Variants in TRRAP observed in about 807,000 individuals in gnomAD.
The protein encoded by TRRAP is transformation/transcription domain-associated protein.
Under a neutral mutation model 438.8 loss-of-function variants are expected in TRRAP, and 41 were observed. The observed-to-expected ratio is 0.09, with a 90% CI of 0.07 to 0.12. The LOEUF (loss-of-function observed/expected upper bound fraction) is 0.12, where lower values mean the gene tolerates loss of function less well. TRRAP is among the 10% of genes least tolerant of loss of function. The probability of loss-of-function intolerance (pLI) is 1.00; values close to 1 mark genes in which losing one functional copy is unlikely to be tolerated. For synonymous variants in TRRAP, 1,994 were observed against 1,962.9 expected (o/e 1.02, Z -0.42); for missense variants, 3,122 against 5,055.1 (o/e 0.62, Z 11.60).
chr7:98,969,927 T>C (rs375498075), intron 51 of TRRAP, among the ~76,000 whole-genome samples, 185 bp from the exon 52 acceptor site: 4 of 152,084 alleles, frequency 2.6e-5, no homozygotes, highest in African/African-American at 7.2e-5. Context: ...ATGTGGACGA[T>C]GCCTTGGAGG....
At chr7:98,892,238 C>T (rs1554405020) in intron 4 of TRRAP, among the ~76,000 whole-genome samples, 186 bp from the exon 5 acceptor site, 1 of 152,168 alleles carries the variant, frequency 6.6e-6, no homozygotes, top group African/African-American at 2.4e-5. Context: ...ATCTGCAGTA[C>T]TTACTTTGGG....
intron 20 of TRRAP, among the ~76,000 whole-genome samples, chr7:98,918,698 A>G (rs1298685944): frequency 6.6e-6 from 1 of 152,156 alleles, no homozygotes; most frequent in African/African-American, 2.4e-5. Context: ...ACCCTACCCA[A>G]AGGGAAAAAG....
chr7:98,881,006 A>T, intron 1 of TRRAP, 84 bp from the exon 2 acceptor site: 4 of 519,280 alleles, frequency 7.7e-6, no homozygotes, highest in Non-Finnish European at 1.3e-5. Flanking sequence ...CGTATCGATT[A>T]TGTAGGCCTT....
chr7:98,896,389 G>C (rs1049749503), intron 7 of TRRAP, among the ~76,000 whole-genome samples: 1 of 152,060 alleles, frequency 6.6e-6, no homozygotes, highest in African/African-American at 2.4e-5. Flanking sequence ...CTCTTCTTCT[G>C]GGAATCATAA....
At chr7:98,973,856 C>T (rs145190353) in intron 53 of TRRAP, among the ~76,000 whole-genome samples, 2 of 152,230 alleles carry the variant, frequency 1.3e-5, no homozygotes, top group South Asian at 2.1e-4. Context: ...GTCCTTGGGC[C>T]GCTCTGGCAG....
chr7:98,905,995 C>A (rs1796709455), intron 12 of TRRAP, among the ~76,000 whole-genome samples, 182 bp from the exon 13 acceptor site: 1 of 152,190 alleles, frequency 6.6e-6, no homozygotes, highest in Non-Finnish European at 1.5e-5. Flanking sequence ...TGGTGTGGCC[C>A]AGCAGAGCTG....
At chr7:99,002,585 G>T (rs1041665703) in intron 67 of TRRAP, among the ~76,000 whole-genome samples, 1 of 152,186 alleles carries the variant, frequency 6.6e-6, no homozygotes, top group African/African-American at 2.4e-5. Flanking sequence ...GTCTCTCGCG[G>T]CTCTGCTGGG....
chr7:98,991,338 C>G (rs75975170), intron 64 of TRRAP, among the ~76,000 whole-genome samples: 5 of 152,168 alleles, frequency 3.3e-5, no homozygotes, highest in African/African-American at 4.8e-5. Context: ...GAGCTGGGCC[C>G]GCGCGTTCTG....
At chr7:98,943,980 G>A (rs1268391228) in intron 31 of TRRAP, among the ~76,000 whole-genome samples, 1 of 152,124 alleles carries the variant, frequency 6.6e-6, no homozygotes, top group African/African-American at 2.4e-5. Flanking sequence ...TGTAAGTCTT[G>A]TTTCCTACTG....
intron 48 of TRRAP, 150 bp downstream of exon 48, chr7:98,964,925 G>T: frequency 1.9e-6 from 2 of 1,067,816 alleles, no homozygotes; most frequent in Non-Finnish European, 2.5e-6. Flanking sequence ...GCTCTTCAAT[G>T]TAGGGGTTTA....
At position 98,956,616 on chromosome 7, in the gene TRRAP, C is replaced by A; in HGVS notation, c.6231+83C>A. 6.5e-7 allele frequency: 1 copy of A among 1,531,630 alleles called. No individual in the cohort carries two copies. The highest frequency in any genetic ancestry group is 8.7e-7 in the Non-Finnish European group (1 of 1,143,988). The allele number at this position is 1,531,630 out of a possible 1,614,324, so 94.9% of individuals were successfully genotyped here. A position where few individuals can be genotyped will look rare whatever the true frequency, so the allele number is the denominator to read the frequency against. ...ATTCCCTATATTTAGAATGTGAGCT[C>A]GGTGCTCAGCTGCATTCAGGAGAGG... On this transcript the variant is annotated intron_variant, in intron 43 of 72. Coordinates refer to ENST00000456197, the MANE Select transcript of TRRAP (RefSeq NM_001375524.1). This position sits in a 1 kb window ranked among gnomAD's most constrained non-coding sequence, Gnocchi z 4.5.
rs782740742 is a variant in TRRAP, at chr7:98,915,709, TCTC to T, written c.2200-12_2200-10del. The T allele has an allele frequency of 6.2e-6, 10 of 1,612,168 alleles. No homozygotes were observed. In the East Asian group the frequency reaches 1.3e-4, roughly 22 times the overall value. Reference sequence around the variant, plus strand: ...ATTTAGATGCCACTAATCTGCGTCTTCTCCACCCCGCAGCCTCACTTGCACAAG... The same window carrying T: ...ATTTAGATGCCACTAATCTGCGTCTTCACCCCGCAGCCTCACTTGCACAAG... On this transcript the variant is annotated splice_polypyrimidine_tract_variant and intron_variant, in intron 18 of 72. Coordinates refer to ENST00000456197, the MANE Select transcript of TRRAP (RefSeq NM_001375524.1).
At chr7:98,886,993 C>T (rs955607897) in intron 3 of TRRAP, among the ~76,000 whole-genome samples, 14 of 152,196 alleles carry the variant, frequency 9.2e-5, no homozygotes, top group East Asian at 3.8e-4. Flanking sequence ...CATTGAACTC[C>T]TGGGCTCAAA....
intron 58 of TRRAP, 73 bp from the exon 59 acceptor site, chr7:98,981,696 T>G (rs73155663): frequency 0.038 from 55,580 of 1,468,674 alleles, 1,138 homozygotes; most frequent in Middle Eastern, 0.061. Context: ...AAAGTGATCT[T>G]TTTCCTGTTT....
At chr7:98,910,446 C>T (rs1789192025) in intron 15 of TRRAP, 27 bp downstream of exon 15, 3 of 1,612,268 alleles carry the variant, frequency 1.9e-6, no homozygotes, top group Non-Finnish European at 2.5e-6. Context: ...GTTATGTAGA[C>T]AAACAATAGT....
chr7:98,931,592 C>T lies in TRRAP; in HGVS notation c.3779C>T (p.Ala1260Val). 6.2e-7 allele frequency: 1 copy of T among 1,614,226 alleles called. No homozygotes were observed. The highest frequency in any genetic ancestry group is 8.5e-7 in the Non-Finnish European group (1 of 1,180,054). The change falls in exon 26 of 73, where the codon GCC becomes GTC. Residue 1260 changes from alanine (A) to valine (V), a missense_variant. Ala to Val is a moderately conservative substitution (Grantham distance 64). Transcript: ENST00000456197. ...TSPNSTVRKQAMHSLQVLAQV... is the reference protein window; with the variant it reads ...TSPNSTVRKQVMHSLQVLAQV... ...CCAAACTCCACTGTGAGGAAGCAGG[C>T]CATGCATTCGCTGCAGGTGTTGGCC...
At chr7:98,955,389 CAGG>C (rs1791552670) in intron 41 of TRRAP, 85 bp downstream of exon 41, 1 of 1,384,824 alleles carries the variant, frequency 7.2e-7, no homozygotes, top group African/African-American at 1.4e-5. Flanking sequence ...CTGCAATAAT[CAGG>C]TGGTCGTTCA....
intron 20 of TRRAP, among the ~76,000 whole-genome samples, chr7:98,918,227 C>CTT (rs71118647): frequency 0.017 from 1,411 of 83,144 alleles, 75 homozygotes; most frequent in African/African-American, 0.048. Flanking sequence ...GGGTTATATT[C>CTT]TTTTTTTTTT....
chr7:98,917,774 G>T (rs1379705031), intron 20 of TRRAP, 95 bp downstream of exon 20: 9 of 1,463,076 alleles, frequency 6.2e-6, no homozygotes, highest in Non-Finnish European at 7.4e-6. Flanking sequence ...CTGCAAGATG[G>T]ACCAGTGCAG....
Sources: allele counts gnomAD v4.1 joint callset (sites outside exome capture counted in the v4.1 genomes callset), GRCh38; gene constraint gnomAD v4.1.1; non-coding constraint Gnocchi (gnomAD v3.1); transcripts MANE v1.5; gene names NCBI Gene and HGNC (gene_info 2026-07-23, HGNC 2026-07-21).